RACK1: variants seen among roughly 807,000 people sequenced by gnomAD.
RACK1 encodes small ribosomal subunit protein RACK1.
RACK1 carries 3 observed loss-of-function variants against 42.2 expected under a neutral mutation model. The observed-to-expected ratio is 0.07, with a 90% CI of 0.03 to 0.18. RACK1 has a LOEUF of 0.18. Ranked by LOEUF, RACK1 falls within the 10% of genes least tolerant of loss-of-function variation. The probability of loss-of-function intolerance (pLI) is 1.00; values close to 1 mark genes in which losing one functional copy is unlikely to be tolerated. For missense variants in RACK1, 146 were observed against 403.2 expected, an observed-to-expected ratio of 0.36 and a Z score of 5.46; for synonymous variants, 181 against 154.8, an observed-to-expected ratio of 1.17 and a Z score of -1.25.
At chr5:181,240,524 G>C (rs1759302317) in intron 3 of RACK1, 2 of 151,578 alleles carry the variant, frequency 1.3e-5, no homozygotes, top group South Asian at 2.1e-4. Flanking sequence ...AGCTGGGCAT[G>C]ATGGCACACG....
At chr5:181,243,184 CG>C (rs1180752622) in intron 1 of RACK1, 4 of 911,862 alleles carry the variant, frequency 4.4e-6, no homozygotes, top group Non-Finnish European at 6.2e-6. Context: ...GCACAAGAAG[CG>C]TCTAAACGCA....
chr5:181,240,742 C>T (rs1759312830), intron 3 of RACK1, among the ~76,000 whole-genome samples: 1 of 152,128 alleles, frequency 6.6e-6, no homozygotes, highest in Non-Finnish European at 1.5e-5. Flanking sequence ...CTATGTTGGC[C>T]AGGCTGCTCT....
intron 5 of RACK1, chr5:181,238,797 T>C: frequency 2.4e-6 from 1 of 410,852 alleles, no homozygotes. Context: ...AGACTCCGTC[T>C]CAAAAAAAAA....
intron 4 of RACK1, 131 bp from the exon 5 acceptor site, chr5:181,239,308 C>G: frequency 1.3e-6 from 1 of 768,582 alleles, no homozygotes; most frequent in Non-Finnish European, 2.3e-6. Context: ...CTGGCCACTT[C>G]ACGTTAGATT....
At chr5:181,243,661 C>A in intron 1 of RACK1, 31 bp downstream of exon 1, 1 of 1,564,110 alleles carries the variant, frequency 6.4e-7, no homozygotes, top group Non-Finnish European at 8.7e-7. Context: ...GCCCTGCAAT[C>A]TCGGGTCCTG....
In RACK1 at chr5:181,242,278, C is replaced by T. The variant is rs1759373202; in HGVS notation, c.177G>A (p.Leu59=). 23 of 1,613,866 alleles carry T rather than the reference C, an allele frequency of 1.4e-5. No individual in the cohort carries two copies. The highest frequency in any genetic ancestry group is 1.9e-5 in the Non-Finnish European group (23 of 1,179,720). Residue 59 remains leucine, a synonymous_variant, in exon 2 of 8, where the codon CTG becomes CTA. Coordinates refer to ENST00000512805, the MANE Select transcript of RACK1 (RefSeq NM_006098.5). The stretch of plus-strand genomic sequence containing the variant: ...CACTAACAAAGTGGGAGTGACCCCG[C>T]AGAGCACGCTGTGGAATTCCATAGT... ...ETNYGIPQRA[L]RGHSHFVSDV...
At chr5:181,237,422 G>GTCT (rs1759181592) in intron 7 of RACK1, 187 bp downstream of exon 7, 1 of 678,218 alleles carries the variant, frequency 1.5e-6, no homozygotes, top group African/African-American at 1.8e-5. Context: ...TTCCACATCA[G>GTCT]TCTTCCCTCT....
chr5:181,240,755 T>A lies in RACK1; in HGVS notation c.429+737A>T, dbSNP rs996104370. ...CACTATGTTGGCCAGGCTGCTCTCC[T>A]GTCCTCAAGCAGTCCTCCCACCTTG... On this transcript the variant is annotated intron_variant, in intron 3 of 7. Coordinates refer to ENST00000512805, the MANE Select transcript of RACK1 (RefSeq NM_006098.5). 1.2e-4 allele frequency among the ~76,000 whole-genome samples: 18 copies of A among 152,324 alleles called. No individual in the cohort carries two copies. The South Asian group carries it at 3.3e-3, about 28-fold the overall frequency.
rs925578158 is a variant in RACK1 at position 181,241,123 on chromosome 5, A to AG, written c.429+368dup. 36 of 150,166 alleles carry AG rather than the reference A, an allele frequency of 2.4e-4. No homozygotes were observed. The East Asian group carries it at 3.3e-3, about 14-fold the overall frequency. 9.3% of individuals were successfully genotyped at this position (150,166 alleles called of 1,614,324 possible). A position where few individuals can be genotyped will look rare whatever the true frequency, so the allele number is the denominator to read the frequency against. On this transcript the variant is annotated intron_variant, in intron 3 of 7. Transcript: ENST00000512805. ...TGGGGAACAAGCGAAACTGTCTCCGAGAAAAAAAAAAAAAAAGGCAAAGAT... is the reference window on the plus strand; with the variant it reads ...TGGGGAACAAGCGAAACTGTCTCCGAGGAAAAAAAAAAAAAAAGGCAAAGAT...
intron 3 of RACK1, chr5:181,240,578 G>A (rs1295264399): frequency 2.6e-5 from 4 of 152,102 alleles, no homozygotes; most frequent in East Asian, 1.9e-4. Flanking sequence ...TCTGAGCTGC[G>A]GCAACTCCCT....
chr5:181,243,701 C>A lies in RACK1; in HGVS notation c.100G>T (p.Ala34Ser). 1.9e-6 allele frequency: 3 copies of A among 1,604,178 alleles called. No homozygotes were observed. The highest frequency in any genetic ancestry group is 2.6e-6 in the Non-Finnish European group (3 of 1,175,456). ...CTACCTTAGTCCGTACCTCGAGAGGCGGAGAGGATCATGTCCGGGAACTGC... is the reference window on the plus strand; with the variant it reads ...CTACCTTAGTCCGTACCTCGAGAGGAGGAGAGGATCATGTCCGGGAACTGC... ...TPQFPDMILSASRDKTIIMWK... is the reference protein window; with the variant it reads ...TPQFPDMILSSSRDKTIIMWK... Residue 34 changes from alanine (A) to serine (S), a missense_variant, in exon 1 of 8, where the codon GCC becomes TCC. By Grantham distance (99) the Ala-to-Ser change is moderately conservative. Coordinates refer to ENST00000512805, the MANE Select transcript of RACK1 (RefSeq NM_006098.5).
chr5:181,237,365 CT>C, intron 7 of RACK1: 1 of 705,236 alleles, frequency 1.4e-6, no homozygotes, highest in Middle Eastern at 2.3e-4. Context: ...CATTTGAAAA[CT>C]GGTCAGATTA....
intron 3 of RACK1, 47 bp downstream of exon 3, chr5:181,241,445 C>CA: frequency 8.2e-7 from 1 of 1,214,442 alleles, no homozygotes; most frequent in African/African-American, 2.5e-5. Context: ...AAAAAAAAAG[C>CA]AAAGTTTAAG....
chr5:181,241,812 A>G (rs752775600), intron 2 of RACK1, 173 bp from the exon 3 acceptor site: 3 of 814,270 alleles, frequency 3.7e-6, no homozygotes, highest in Non-Finnish European at 6.5e-6. Context: ...CAAGTGACAG[A>G]GAATCCCTTC....
At chr5:181,242,081 C>T (rs1031295546) in intron 2 of RACK1, 93 bp downstream of exon 2, 2 of 1,147,184 alleles carry the variant, frequency 1.7e-6, no homozygotes, top group South Asian at 1.4e-5. Context: ...CCCAAATGGA[C>T]TGGATCTCCC....
In RACK1 at chr5:181,243,031, A is replaced by T. The variant is rs145993198; in HGVS notation, c.109+661T>A. ...CTCTGAGGGCCGACAGAAATGTAGT[A>T]ATGAATGCTGGAAAAGCCACTTCAG... On this transcript the variant is annotated intron_variant, in intron 1 of 7. Transcript: ENST00000512805. 672 of 354,364 alleles carry T rather than the reference A, an allele frequency of 1.9e-3. 12 individuals carry two copies. Among genetic ancestry groups the T allele is most frequent in the East Asian group, 4.4e-3 (57 of 13,092 alleles). The allele number at this position is 354,364 out of a possible 1,614,324, so 22.0% of individuals were successfully genotyped here. A position where few individuals can be genotyped will look rare whatever the true frequency, so the allele number is the denominator to read the frequency against.
At chr5:181,241,197 G>T in intron 3 of RACK1, 1 of 256,484 alleles carries the variant, frequency 3.9e-6, no homozygotes, top group Non-Finnish European at 7.4e-6. Context: ...GGGAGGGCGA[G>T]GCAGGCAAAT....
In RACK1 at chr5:181,238,466, A is replaced by G. The variant is rs185614235; in HGVS notation, c.637-227T>C. The G allele has an allele frequency of 5.6e-4, 274 of 492,480 alleles. 2 individuals are homozygous for G. Among genetic ancestry groups the G allele is most frequent in the Admixed American group, 2.5e-4 (7 of 27,702 alleles). The allele number at this position is 492,480 out of a possible 1,614,324, so 30.5% of individuals were successfully genotyped here. ...CTCCCAACTTACATAAATCACTCCA[A>G]TCATTTCTGAAAACCAGGATCCCAA... is the stretch of plus-strand genomic sequence containing the variant. On this transcript the variant is annotated intron_variant, in intron 5 of 7. Transcript: ENST00000512805.
At chr5:181,243,306 G>A (rs774219438) in intron 1 of RACK1, 2 of 1,359,562 alleles carry the variant, frequency 1.5e-6, no homozygotes, top group South Asian at 1.1e-5. Context: ...GCCTTGGGCC[G>A]GGCGGCAGCT....
Sources: allele counts gnomAD v4.1 joint callset (sites outside exome capture counted in the v4.1 genomes callset), GRCh38; gene constraint gnomAD v4.1.1; transcripts MANE v1.5; gene names NCBI Gene and HGNC (gene_info 2026-07-23, HGNC 2026-07-21).